Variants in DCHS2 observed in about 807,000 individuals in gnomAD.
The protein encoded by DCHS2 is protocadherin-23.
In DCHS2, 142 loss-of-function variants were observed where a neutral mutation model predicts 182.4. The ratio of observed to expected loss-of-function variants is 0.78; its 90% CI spans 0.68 to 0.89. The LOEUF (loss-of-function observed/expected upper bound fraction) is 0.89. Among genes scored for constraint, DCHS2 ranks in the 40% least tolerant of loss-of-function variants. The probability of loss-of-function intolerance (pLI) is 0.00; values close to 1 mark genes in which losing one functional copy is unlikely to be tolerated. For missense variants in DCHS2, 4,319 were observed against 4,198.6 expected (o/e 1.03, Z -0.79); for synonymous variants, 1,740 against 1,663.3 (o/e 1.05, Z -1.12).
intron 1 of DCHS2, among the ~76,000 whole-genome samples, chr4:154,457,983 C>T (rs1734843895): frequency 6.6e-6 from 1 of 152,062 alleles, no homozygotes. Flanking sequence ...ACTTTTTTTC[C>T]TATTTTTAAT....
intron 3 of DCHS2, among the ~76,000 whole-genome samples, chr4:154,361,557 C>T (rs937893320): frequency 2.0e-4 from 31 of 152,180 alleles, no homozygotes; most frequent in African/African-American, 7.5e-4. Flanking sequence ...ACAGTGTGGT[C>T]TGCCTTGTGC....
At chr4:154,324,984 T>C (rs1299353350) in intron 7 of DCHS2, among the ~76,000 whole-genome samples, 2 of 152,224 alleles carry the variant, frequency 1.3e-5, no homozygotes, top group African/African-American at 4.8e-5. Context: ...GGGAATAATG[T>C]AATATATATC....
intron 1 of DCHS2, among the ~76,000 whole-genome samples, chr4:154,429,227 A>G (rs1411780115): frequency 6.6e-6 from 1 of 152,160 alleles, no homozygotes; most frequent in Non-Finnish European, 1.5e-5. Context: ...TGGTAGACAG[A>G]ACTGGTGCTT....
At position 154,236,961 on chromosome 4, in the gene DCHS2, A is replaced by C. The variant is rs377213744; in HGVS notation, c.7691T>G (p.Val2564Gly). 11 of 1,614,074 alleles carry C rather than the reference A, an allele frequency of 6.8e-6. No homozygotes were observed. The African/African-American group carries it at 1.5e-4, about 22-fold the overall frequency. ...TGAAAATGTAACAAGCGTGCTTCCA[A>C]CCAGAGCATCCTCACTTAGGCTAAG... is the stretch of plus-strand genomic sequence containing the variant. ...YNLSLSEDAL[V>G]GSTLVTFSNI... Residue 2564 changes from valine to glycine, a missense_variant, in exon 20 of 20, where the codon GTT becomes GGT. By Grantham distance (109) the Val-to-Gly change is moderately radical. Coordinates refer to ENST00000357232, the MANE Select transcript of DCHS2 (RefSeq NM_001358235.2).
chr4:154,240,012 G>A (rs1731721728), intron 18 of DCHS2, among the ~76,000 whole-genome samples: 1 of 152,034 alleles, frequency 6.6e-6, no homozygotes, highest in South Asian at 2.1e-4. Context: ...CTTAAATCTT[G>A]CATTTGCTAC....
chr4:154,299,343 A>T (rs1735107735), intron 12 of DCHS2, among the ~76,000 whole-genome samples: 1 of 152,230 alleles, frequency 6.6e-6, no homozygotes, highest in East Asian at 1.9e-4. Context: ...TATTCCTTAA[A>T]AAAAATCTGC....
At chr4:154,238,985 G>T (rs936570831) in intron 19 of DCHS2, among the ~76,000 whole-genome samples, 185 bp downstream of exon 19, 1 of 151,972 alleles carries the variant, frequency 6.6e-6, no homozygotes, top group Non-Finnish European at 1.5e-5. Context: ...TGTTGGAGAA[G>T]AGAAATAACA....
At chr4:154,466,042 G>T (rs1488347187) in intron 1 of DCHS2, among the ~76,000 whole-genome samples, 5 of 151,950 alleles carry the variant, frequency 3.3e-5, no homozygotes, top group Admixed American at 3.3e-4. Context: ...ACAGATAACC[G>T]CCCAAAAATA....
intron 3 of DCHS2, among the ~76,000 whole-genome samples, chr4:154,348,930 G>A (rs1438206812): frequency 1.3e-5 from 2 of 151,912 alleles, no homozygotes; most frequent in African/African-American, 4.9e-5. Flanking sequence ...TCACATTTTG[G>A]TTGTCACTTT....
intron 19 of DCHS2, 80 bp from the exon 20 acceptor site, chr4:154,237,239 G>A (rs1731575853): frequency 1.4e-6 from 2 of 1,477,146 alleles, no homozygotes. Flanking sequence ...ACTATCCAAT[G>A]TCTACTAATA....
rs1731350371 is a variant in DCHS2, at chr4:154,234,546, A to ACTT, written c.10103_10105dup (p.Glu3368dup). On this transcript the variant is annotated inframe_insertion, in exon 20 of 20. Transcript: ENST00000357232. Reference sequence around the variant, plus strand: ...GGCATCCCAGTGGTTTCATATTTGAACTTCATCTTCTGCTTTAAGTTCATG... The same window carrying ACTT: ...GGCATCCCAGTGGTTTCATATTTGAACTTCTTCATCTTCTGCTTTAAGTTCATG... 6.2e-7 allele frequency: 1 copy of ACTT among 1,607,388 alleles called. No homozygotes were observed. The highest frequency in any genetic ancestry group is 8.5e-7 in the Non-Finnish European group (1 of 1,175,842).
chr4:154,362,636 C>T (rs73854720), intron 3 of DCHS2, among the ~76,000 whole-genome samples: 26 of 152,172 alleles, frequency 1.7e-4, no homozygotes, highest in African/African-American at 5.8e-4. Context: ...CACTTATACA[C>T]AGATAGTTTT....
At chr4:154,446,960 G>GCACACACA (rs3063678) in intron 1 of DCHS2, among the ~76,000 whole-genome samples, 27 of 150,452 alleles carry the variant, frequency 1.8e-4, no homozygotes, top group Admixed American at 1.7e-3. Flanking sequence ...TCATACACAC[G>GCACACACA]CACACACACA....
intron 13 of DCHS2, among the ~76,000 whole-genome samples, chr4:154,293,771 A>C (rs762590169): frequency 6.6e-6 from 1 of 152,200 alleles, no homozygotes; most frequent in Non-Finnish European, 1.5e-5. Context: ...TTTAAAGGCC[A>C]TCAATGTCTC....
At position 154,384,420 on chromosome 4, in the gene DCHS2, G is replaced by A. The variant is rs140107103; in HGVS notation, c.2053-6976C>T. On this transcript the variant is annotated intron_variant, in intron 1 of 19. Coordinates refer to ENST00000357232, the MANE Select transcript of DCHS2 (RefSeq NM_001358235.2). ...CTCTTCCTGGCTTCTGAACACTATA[G>A]CACCCCAGAGCTCAGTCTCGGGACT... 190 of 1,612,972 alleles carry A rather than the reference G, an allele frequency of 1.2e-4. No homozygotes were observed. In the African/African-American group the frequency reaches 2.3e-3, roughly 20 times the overall value.
chr4:154,348,358 G>T (rs74535194), intron 3 of DCHS2, among the ~76,000 whole-genome samples: 2 of 151,812 alleles, frequency 1.3e-5, no homozygotes, highest in African/African-American at 4.9e-5. Flanking sequence ...TCACAGTTGC[G>T]GGAGTACCAT....
At chr4:154,243,279 C>G (rs1356533512) in intron 16 of DCHS2, among the ~76,000 whole-genome samples, 1 of 152,146 alleles carries the variant, frequency 6.6e-6, no homozygotes, top group African/African-American at 2.4e-5. Flanking sequence ...AGACAGGACA[C>G]CGCTATGATG....
intron 1 of DCHS2, among the ~76,000 whole-genome samples, chr4:154,455,530 G>A (rs116749036): frequency 0.019 from 2,900 of 152,266 alleles, 81 homozygotes; most frequent in African/African-American, 0.065. Flanking sequence ...ACAATTCTAT[G>A]TTGTAGGTTT....
chr4:154,304,631 AAAAACAAAC>A, intron 12 of DCHS2, 29 bp downstream of exon 12: 10 of 1,435,544 alleles, frequency 7.0e-6, no homozygotes, highest in Non-Finnish European at 8.4e-6. Context: ...TCTGTCTTAA[AAAAACAAAC>A]AAACAAACAA....
Sources: allele counts gnomAD v4.1 joint callset (sites outside exome capture counted in the v4.1 genomes callset), GRCh38; gene constraint gnomAD v4.1.1; transcripts MANE v1.5; gene names NCBI Gene and HGNC (gene_info 2026-07-23, HGNC 2026-07-21).